Variants in GRIN2B observed in about 807,000 individuals in gnomAD.
GRIN2B encodes glutamate ionotropic receptor NMDA type subunit 2B.
Under a neutral mutation model 114.5 loss-of-function variants are expected in GRIN2B, and 5 were observed. That is an observed-to-expected ratio of 0.04 (90% confidence interval 0.02 to 0.09). The LOEUF (loss-of-function observed/expected upper bound fraction) is 0.09. GRIN2B is among the 10% of genes least tolerant of loss of function. The pLI is 1.00. For synonymous variants in GRIN2B, 787 were observed against 745.1 expected (o/e 1.06, Z -0.92); for missense variants, 1,108 against 1,943.5 (o/e 0.57, Z 8.08).
chr12:13,621,617 T>TGG (rs1565480151), intron 5 of GRIN2B, among the ~76,000 whole-genome samples: 3 of 122,728 alleles, frequency 2.4e-5, no homozygotes, highest in Non-Finnish European at 5.3e-5. Context: ...GTTTTTGTTT[T>TGG]TTTTTTTTTT....
At chr12:13,897,554 G>C (rs1866373471) in intron 2 of GRIN2B, among the ~76,000 whole-genome samples, 1 of 152,080 alleles carries the variant, frequency 6.6e-6, no homozygotes, top group Admixed American at 6.6e-5. Context: ...AGAAAATGTG[G>C]GTTCTCCCAA....
intron 2 of GRIN2B, among the ~76,000 whole-genome samples, chr12:13,924,487 T>A (rs1159356225): frequency 2.0e-5 from 3 of 152,024 alleles, no homozygotes; most frequent in African/African-American, 7.2e-5. Flanking sequence ...GAGCTCTGGC[T>A]TTTGGGAGAA....
At chr12:13,701,931 A>G (rs888780835) in intron 4 of GRIN2B, among the ~76,000 whole-genome samples, 26 of 152,236 alleles carry the variant, frequency 1.7e-4, no homozygotes, top group African/African-American at 6.0e-4. Flanking sequence ...ATTCATATGC[A>G]ACTCCTCTAC....
intron 5 of GRIN2B, among the ~76,000 whole-genome samples, chr12:13,660,048 T>C (rs2136525822): frequency 6.6e-6 from 1 of 152,256 alleles, no homozygotes; most frequent in South Asian, 2.1e-4. Flanking sequence ...TCCTTGTCAC[T>C]TGGGCAGGGT....
At chr12:13,591,025 T>C (rs191011107) in intron 10 of GRIN2B, among the ~76,000 whole-genome samples, 7 of 152,312 alleles carry the variant, frequency 4.6e-5, no homozygotes, top group African/African-American at 1.7e-4. Flanking sequence ...TAGGCACCTC[T>C]TGTCTGAGAG....
chr12:13,667,664 G>A (rs1302905364), intron 5 of GRIN2B, among the ~76,000 whole-genome samples: 1 of 152,088 alleles, frequency 6.6e-6, no homozygotes, highest in Non-Finnish European at 1.5e-5. Context: ...AATAAAAAGG[G>A]AACATGTCCT....
intron 3 of GRIN2B, among the ~76,000 whole-genome samples, chr12:13,830,570 T>A (rs1865127483): frequency 6.6e-6 from 1 of 152,198 alleles, no homozygotes; most frequent in Non-Finnish European, 1.5e-5. Context: ...CTTTAAAAGA[T>A]CTTATCAGAA....
At chr12:13,839,691 G>C in intron 3 of GRIN2B, among the ~76,000 whole-genome samples, 1 of 152,190 alleles carries the variant, frequency 6.6e-6, no homozygotes. Context: ...TCTTGTGACT[G>C]CACGCCTCAG....
chr12:13,760,568 C>A (rs1157276192), intron 3 of GRIN2B, among the ~76,000 whole-genome samples: 2 of 152,150 alleles, frequency 1.3e-5, no homozygotes, highest in African/African-American at 4.8e-5. Context: ...AAAGAAAATT[C>A]TCCTTCTTTT....
Position 13,765,458 on chromosome 12 carries a change from A to G in GRIN2B, c.412-11543T>C, listed in dbSNP as rs1863764013. Among the ~76,000 whole-genome samples, 2 of 152,206 alleles carry G rather than the reference A, an allele frequency of 1.3e-5. 1 individual carries two copies. Among genetic ancestry groups the G allele is most frequent in the South Asian group, 4.1e-4 (2 of 4,830 alleles). On this transcript the variant is annotated intron_variant, in intron 3 of 13. Transcript: ENST00000609686. The stretch of plus-strand genomic sequence containing the variant: ...CTGCAGATTAAGCTCTTTGGGTCTC[A>G]TGCTCTCCTTGGTGGAAGGCACATG...
chr12:13,857,472 C>G (rs551652342), intron 3 of GRIN2B, among the ~76,000 whole-genome samples: 3 of 151,936 alleles, frequency 2.0e-5, no homozygotes, highest in African/African-American at 4.8e-5. Context: ...CTAAGAATCC[C>G]TAAAAGGGAA....
At chr12:13,589,069 A>C (rs150405113) in intron 10 of GRIN2B, among the ~76,000 whole-genome samples, 1 of 152,174 alleles carries the variant, frequency 6.6e-6, no homozygotes, top group African/African-American at 2.4e-5. Context: ...TACTTATACT[A>C]AAATCATATT....
rs1233916467 is a variant in GRIN2B at position 13,563,603 on chromosome 12, C to T, written c.3635G>A (p.Gly1212Asp). 6.2e-7 allele frequency: 1 copy of T among 1,613,994 alleles called. No homozygotes were observed. The highest frequency in any genetic ancestry group is 1.3e-5 in the African/African-American group (1 of 75,048). ...GGAGGGACAGCTGCGGCAGAAGTTG[C>T]CCCCGGACCGGTCCTCCCACTCCAC... ...TNVEWEDRSG[G>D]NFCRSCPSKL... is the part of the protein sequence containing the mutation. The change falls in exon 14 of 14, where the codon GGC (glycine) becomes GAC (aspartate). Residue 1212 changes from glycine (G) to aspartate (D), a missense_variant. This residue lies in a region of GRIN2B where 478 missense variants were observed against 506.0 expected (regional missense o/e 0.94). Transcript: ENST00000609686.
intron 4 of GRIN2B, among the ~76,000 whole-genome samples, chr12:13,719,766 C>G (rs1481344586): frequency 6.6e-6 from 1 of 152,092 alleles, no homozygotes. Flanking sequence ...CTTAAGGCCA[C>G]AGGGTCAGGA....
intron 2 of GRIN2B, among the ~76,000 whole-genome samples, chr12:13,909,686 G>C (rs1031696999): frequency 1.3e-5 from 2 of 152,178 alleles, no homozygotes; most frequent in African/African-American, 4.8e-5. Context: ...GACTCGGGAA[G>C]AAAAAGGATA....
At chr12:13,798,605 CCT>C (rs1443765325) in intron 3 of GRIN2B, among the ~76,000 whole-genome samples, 1 of 152,076 alleles carries the variant, frequency 6.6e-6, no homozygotes, top group African/African-American at 2.4e-5. Flanking sequence ...TGTTCAGGTT[CCT>C]CTCTTATATT....
intron 2 of GRIN2B, among the ~76,000 whole-genome samples, chr12:13,873,187 G>C (rs1260016555): frequency 6.6e-6 from 1 of 152,136 alleles, no homozygotes; most frequent in Non-Finnish European, 1.5e-5. Flanking sequence ...AAAGTTTTAA[G>C]TTATACCTTC....
intron 3 of GRIN2B, among the ~76,000 whole-genome samples, chr12:13,859,749 A>G (rs1401124145): frequency 6.6e-6 from 1 of 152,220 alleles, no homozygotes; most frequent in Non-Finnish European, 1.5e-5. Context: ...TAGTTTCCCC[A>G]TCAAGAAAGA....
intron 5 of GRIN2B, among the ~76,000 whole-genome samples, chr12:13,629,920 G>C (rs1299599083): frequency 6.6e-6 from 1 of 152,106 alleles, no homozygotes; most frequent in Non-Finnish European, 1.5e-5. Context: ...ACACCCCTTG[G>C]CTGGACTAAG....
Sources: gnomAD v4.1 joint callset for allele counts (sites outside exome capture counted in the v4.1 genomes callset) on GRCh38, gnomAD v4.1.1 for gene constraint, gnomAD v4.1.1 regional missense constraint, MANE v1.5 for transcripts, NCBI Gene and HGNC (gene_info 2026-07-23, HGNC 2026-07-21) for gene names.